Variants in NLRC3 observed in about 807,000 individuals in gnomAD.
NLRC3 encodes the protein NLR family CARD domain containing 3.
A neutral mutation model predicts 91.6 loss-of-function variants in NLRC3; 87 were observed. The ratio of observed to expected loss-of-function variants is 0.95; its 90% CI spans 0.80 to 1.14. NLRC3 has a LOEUF of 1.14. NLRC3 is among the 50% of genes most tolerant of loss of function. The probability of loss-of-function intolerance (pLI) is 0.00; values close to 1 mark genes in which losing one functional copy is unlikely to be tolerated. For synonymous variants in NLRC3, 694 were observed against 625.3 expected, an observed-to-expected ratio of 1.11 and a Z score of -1.64; for missense variants, 1,577 against 1,418.6, an observed-to-expected ratio of 1.11 and a Z score of -1.79.
At chr16:3,547,033 A>G (rs959724538) in intron 15 of NLRC3, among the ~76,000 whole-genome samples, 2 of 151,892 alleles carry the variant, frequency 1.3e-5, no homozygotes, top group African/African-American at 4.8e-5. Context: ...CGCCCCAGCG[A>G]CTCCACTCCC....
chr16:3,555,913 C>A (rs1348423928), intron 8 of NLRC3: 6 of 142,048 alleles, frequency 4.2e-5, no homozygotes, highest in Non-Finnish European at 9.2e-5. Context: ...ACATGAATTT[C>A]ACCCTAATAA....
chr16:3,564,363 G>C lies in NLRC3; in HGVS notation c.574C>G (p.Arg192Gly). 1 of 1,612,144 alleles carries C rather than the reference G, an allele frequency of 6.2e-7. No individual in the cohort carries two copies. The highest frequency in any genetic ancestry group is 1.1e-5 in the South Asian group (1 of 91,044). The change falls in exon 5 of 20, where the codon CGA (arginine) becomes GGA (glycine). Residue 192 changes from arginine (R) to glycine (G), a missense_variant. Transcript: ENST00000359128. The surrounding 1 kb of genome is among the most constrained non-coding windows in gnomAD (Gnocchi z 5.9). ...TGCGGGAAGACCGAGCAGATGAGTC[G>C]GTCGGCACACAGCTTCTCGTGGGTG... ...LNTHEKLCAD[R>G]LICSVFPHVG...
In NLRC3 at chr16:3,568,550, C is replaced by T. The variant is rs975765476; in HGVS notation, c.-168-1226G>A. ...ACCAGCCTGGGCAAAGTAGTGAGACCGTAGCTCTACAAAATAAAAATTAAA... is the reference window on the plus strand; with the variant it reads ...ACCAGCCTGGGCAAAGTAGTGAGACTGTAGCTCTACAAAATAAAAATTAAA... On this transcript the variant is annotated intron_variant, in intron 1 of 19. Coordinates refer to ENST00000359128, the MANE Select transcript of NLRC3 (RefSeq NM_178844.4). 3.9e-5 allele frequency among the ~76,000 whole-genome samples: 6 copies of T among 152,146 alleles called. No homozygotes were observed. The South Asian group carries it at 6.2e-4, about 16-fold the overall frequency.
chr16:3,548,815 G>T, intron 13 of NLRC3, 62 bp from the exon 14 acceptor site: 1 of 1,179,554 alleles, frequency 8.5e-7, no homozygotes, highest in South Asian at 1.4e-5. Flanking sequence ...CCGGTCCTTG[G>T]TCACCAGGGA....
intron 6 of NLRC3, 90 bp from the exon 7 acceptor site, chr16:3,557,766 G>A: frequency 1.2e-6 from 1 of 804,620 alleles, no homozygotes; most frequent in Non-Finnish European, 2.1e-6. Context: ...TAATCCTCTA[G>A]GCTCCCCCAC....
chr16:3,555,923 A>AAAAAAAAT (rs1555442149), intron 8 of NLRC3: 1 of 137,538 alleles, frequency 7.3e-6, no homozygotes, highest in African/African-American at 2.7e-5. Context: ...CACCCTAATA[A>AAAAAAAAT]AAATAAATAA....
chr16:3,561,851 G>A, intron 5 of NLRC3, 63 bp from the exon 6 acceptor site: 1 of 1,185,366 alleles, frequency 8.4e-7, no homozygotes, highest in Admixed American at 1.7e-5. Context: ...GGGGGCCCTG[G>A]CCCGGGGCCT....
chr16:3,561,881 G>A, intron 5 of NLRC3, 93 bp from the exon 6 acceptor site: 1 of 846,684 alleles, frequency 1.2e-6, no homozygotes, highest in Non-Finnish European at 2.0e-6. Flanking sequence ...TCCATCCCAT[G>A]CAGCGCTATC....
Position 3,557,628 on chromosome 16 carries a change from T to G in NLRC3, c.2064A>C (p.Arg688Ser). ...TCAGACTTCTGTTGACCAAGAGGGA[T>G]CTGGCCAGAGCTTTGGCCCCTTTGT... ...ISNKGAKALA[R>S]SLLVNRSLTS... The change falls in exon 7 of 20, where the codon AGA becomes AGC. Residue 688 changes from arginine (R) to serine (S), a missense_variant. By Grantham distance (110) the Arg-to-Ser change is moderately radical. Coordinates refer to ENST00000359128, the MANE Select transcript of NLRC3 (RefSeq NM_178844.4). 6.2e-7 allele frequency: 1 copy of G among 1,613,714 alleles called. No individual in the cohort carries two copies. Among genetic ancestry groups the G allele is most frequent in the Non-Finnish European group, 8.5e-7 (1 of 1,179,724 alleles).
chr16:3,546,709 C>G (rs796734510), intron 15 of NLRC3, among the ~76,000 whole-genome samples: 5 of 152,202 alleles, frequency 3.3e-5, no homozygotes, highest in African/African-American at 1.2e-4. Context: ...GAGCAAGATC[C>G]CGAAGGGAGG....
At chr16:3,575,286 G>A (rs892038324) in intron 1 of NLRC3, among the ~76,000 whole-genome samples, 21 of 152,126 alleles carry the variant, frequency 1.4e-4, no homozygotes, top group African/African-American at 4.6e-4. Flanking sequence ...GGCTGCCACC[G>A]CTGCCAGGCC....
intron 2 of NLRC3, among the ~76,000 whole-genome samples, chr16:3,566,275 C>T (rs1294651975): frequency 6.6e-6 from 1 of 151,874 alleles, no homozygotes; most frequent in Non-Finnish European, 1.5e-5. Context: ...TATGGGAAGT[C>T]TCTGTACTTT....
At chr16:3,553,235 T>C (rs1024062285) in intron 9 of NLRC3, among the ~76,000 whole-genome samples, 1 of 152,206 alleles carries the variant, frequency 6.6e-6, no homozygotes, top group African/African-American at 2.4e-5. Flanking sequence ...CCCTTTAAGA[T>C]GTATGTAAAT....
chr16:3,565,270 G>A (rs1365977951), intron 3 of NLRC3, 49 bp downstream of exon 3: 5 of 690,216 alleles, frequency 7.2e-6, no homozygotes, highest in Non-Finnish European at 1.3e-5. Context: ...CAGGGGCCCA[G>A]TGGATGATAA....
chr16:3,550,641 G>A (rs2038943659), intron 10 of NLRC3, 144 bp from the exon 11 acceptor site: 1 of 629,928 alleles, frequency 1.6e-6, no homozygotes, highest in Non-Finnish European at 2.9e-6. Flanking sequence ...TTCTGCCTGA[G>A]GCCTGTTGGC....
chr16:3,567,091 A>G (rs1235472130), intron 2 of NLRC3, among the ~76,000 whole-genome samples, 152 bp downstream of exon 2: 1 of 152,116 alleles, frequency 6.6e-6, no homozygotes, highest in Non-Finnish European at 1.5e-5. Context: ...ATTGTGATGC[A>G]GAGATGCTGA....
chr16:3,549,668 CCT>C (rs2038892519), intron 12 of NLRC3, 27 bp downstream of exon 12: 1 of 1,510,802 alleles, frequency 6.6e-7, no homozygotes, highest in Non-Finnish European at 9.0e-7. Context: ...AAAGAAACGC[CCT>C]GTTTGGAGAG....
rs751476980 is a variant in NLRC3, at chr16:3,564,660, C to T, written c.277G>A (p.Val93Met). 6.2e-7 allele frequency: 1 copy of T among 1,605,494 alleles called. No individual in the cohort carries two copies. Among genetic ancestry groups the T allele is most frequent in the Admixed American group, 1.7e-5 (1 of 59,972 alleles). The stretch of plus-strand genomic sequence containing the variant: ...AGCTGCAGGTCCGTCAGGCCCTCCA[C>T]CAGCAGGAGGGAGGCCAGCCTGTGC... ...PWHRLASLLL[V>M]EGLTDLQLRE... Residue 93 changes from valine (V) to methionine (M), a missense_variant, in exon 5 of 20, where the codon GTG becomes ATG. Val to Met is a conservative substitution (Grantham distance 21). Transcript: ENST00000359128. This position sits in a 1 kb window ranked among gnomAD's most constrained non-coding sequence, Gnocchi z 5.9.
intron 11 of NLRC3, 143 bp from the exon 12 acceptor site, chr16:3,549,923 C>T: frequency 1.6e-6 from 1 of 609,654 alleles, no homozygotes. Context: ...CTTCTCTTCT[C>T]ATCTCTCTTT....
Sources: allele counts gnomAD v4.1 joint callset (sites outside exome capture counted in the v4.1 genomes callset), GRCh38; gene constraint gnomAD v4.1.1; non-coding constraint Gnocchi (gnomAD v3.1); transcripts MANE v1.5; gene names NCBI Gene and HGNC (gene_info 2026-07-23, HGNC 2026-07-21).